Variants in SFXN1 observed in about 807,000 individuals in gnomAD.
SFXN1 encodes the protein sideroflexin 1.
SFXN1 carries 32 observed loss-of-function variants against 39.5 expected under a neutral mutation model. That is an observed-to-expected ratio of 0.81 (90% CI 0.61 to 1.09). SFXN1 has a LOEUF of 1.09. SFXN1 is among the 50% of genes least tolerant of loss of function. The pLI is 0.00. For missense variants in SFXN1, 402 were observed against 407.1 expected, an observed-to-expected ratio of 0.99 and a Z score of 0.11; for synonymous variants, 136 against 146.5, an observed-to-expected ratio of 0.93 and a Z score of 0.52.
intron 1 of SFXN1, among the ~76,000 whole-genome samples, chr5:175,481,825 T>G (rs1265042804): frequency 6.6e-6 from 1 of 152,210 alleles, no homozygotes; most frequent in African/African-American, 2.4e-5. Context: ...TTGCACAGAA[T>G]TCAACTCTCT....
chr5:175,514,412 T>G (rs1760646822), intron 7 of SFXN1, among the ~76,000 whole-genome samples: 1 of 152,192 alleles, frequency 6.6e-6, no homozygotes, highest in Admixed American at 6.5e-5. Flanking sequence ...CTAAGGCTGC[T>G]TAGAGCTACC....
intron 2 of SFXN1, among the ~76,000 whole-genome samples, chr5:175,496,254 A>G (rs937225645): frequency 3.9e-5 from 6 of 151,916 alleles, no homozygotes; most frequent in South Asian, 2.1e-4. Flanking sequence ...ACGCGCACCT[A>G]TAATCCCAGC....
At chr5:175,506,524 G>A (rs115495089) in intron 2 of SFXN1, among the ~76,000 whole-genome samples, 2,884 of 152,306 alleles carry the variant, frequency 0.019, 36 homozygotes, top group Middle Eastern at 0.031. Flanking sequence ...ATTTATGTAT[G>A]AGGGTTTATT....
intron 8 of SFXN1, among the ~76,000 whole-genome samples, chr5:175,521,354 G>A (rs1455278079): frequency 6.6e-6 from 1 of 152,100 alleles, no homozygotes; most frequent in Non-Finnish European, 1.5e-5. Context: ...TGTAAAGTGG[G>A]GTGAGGGATG....
In SFXN1 at chr5:175,529,123, G is replaced by A. The variant is rs1489347620; in HGVS notation, c.*2389G>A. The A allele has an allele frequency of 6.6e-6, 1 of 152,228 alleles. No homozygotes were observed. Among genetic ancestry groups the A allele is most frequent in the Non-Finnish European group, 1.5e-5 (1 of 68,070 alleles). 9.4% of individuals were successfully genotyped at this position (152,228 alleles called of 1,614,324 possible). A position where few individuals can be genotyped will look rare whatever the true frequency, so the allele number is the denominator to read the frequency against. ...AGGCCGAGGCGGGTGGATCACCTGA[G>A]GTCAGGAGTTTGAGACCAGCCTGGC... On this transcript the variant is annotated 3_prime_UTR_variant, in exon 11 of 11. Transcript: ENST00000321442.
At chr5:175,494,359 A>AAGAT (rs1395622618) in intron 2 of SFXN1, among the ~76,000 whole-genome samples, 5 of 152,258 alleles carry the variant, frequency 3.3e-5, no homozygotes, top group Non-Finnish European at 7.3e-5. Context: ...TGAATGCCTG[A>AAGAT]AGATAGTAAG....
At chr5:175,493,069 C>T (rs1190965909) in intron 2 of SFXN1, among the ~76,000 whole-genome samples, 2 of 151,926 alleles carry the variant, frequency 1.3e-5, no homozygotes, top group South Asian at 2.1e-4. Flanking sequence ...CTGGCTAACA[C>T]GGTGAAACCC....
chr5:175,508,913 A>G (rs2662168), intron 2 of SFXN1, 119 bp from the exon 3 acceptor site: 223,478 of 883,536 alleles, frequency 0.25, 32,368 homozygotes, highest in African/African-American at 0.5. Flanking sequence ...GGGATTACAG[A>G]CGTAAGCCAC....
chr5:175,506,065 G>A (rs1343156463), intron 2 of SFXN1, among the ~76,000 whole-genome samples: 2 of 152,134 alleles, frequency 1.3e-5, no homozygotes, highest in Non-Finnish European at 2.9e-5. Flanking sequence ...TGATCTGCCC[G>A]TCTCGGCCTC....
At chr5:175,505,937 T>C (rs1818345) in intron 2 of SFXN1, among the ~76,000 whole-genome samples, 37,741 of 152,084 alleles carry the variant, frequency 0.25, 6,459 homozygotes, top group African/African-American at 0.48. Flanking sequence ...CTGCCTCAGC[T>C]TTCCGAGCAG....
chr5:175,502,772 C>T, intron 2 of SFXN1, among the ~76,000 whole-genome samples: 1 of 152,100 alleles, frequency 6.6e-6, no homozygotes, highest in Non-Finnish European at 1.5e-5. Context: ...ACCCGGGAAG[C>T]AAAGGTTGCG....
chr5:175,520,497 G>A (rs527733615), intron 8 of SFXN1, among the ~76,000 whole-genome samples: 1 of 152,224 alleles, frequency 6.6e-6, no homozygotes, highest in Non-Finnish European at 1.5e-5. Flanking sequence ...GGGTTTTGCA[G>A]GATACTGAAA....
intron 3 of SFXN1, among the ~76,000 whole-genome samples, 199 bp from the exon 4 acceptor site, chr5:175,509,908 ATC>A (rs1760451362): frequency 6.6e-6 from 1 of 152,104 alleles, no homozygotes. Context: ...GCTTGGTGTT[ATC>A]TATATCTACG....
In SFXN1 at chr5:175,509,727, T is replaced by C. The variant is rs370584179; in HGVS notation, c.336-382T>C. Among the ~76,000 whole-genome samples the C allele has an allele frequency of 2.3e-4, 35 of 151,738 alleles. No individual in the cohort carries two copies. In the South Asian group the frequency reaches 7.1e-3, roughly 31 times the overall value. ...TATAGGCACATTAAAGGTGTATGTG[T>C]AGACATAGACATATAGCATTGCAAG... On this transcript the variant is annotated intron_variant, in intron 3 of 10. Coordinates refer to ENST00000321442, the MANE Select transcript of SFXN1 (RefSeq NM_022754.7).
chr5:175,490,859 A>AT (rs200768257), intron 1 of SFXN1, among the ~76,000 whole-genome samples: 11,211 of 152,276 alleles, frequency 0.074, 486 homozygotes, highest in Admixed American at 0.11. Flanking sequence ...TGCAAAAAAA[A>AT]CAAGATCTTA....
chr5:175,522,546 G>A (rs944248042), intron 10 of SFXN1, 124 bp downstream of exon 10: 7 of 943,028 alleles, frequency 7.4e-6, no homozygotes, highest in Non-Finnish European at 1.1e-5. Context: ...CTGAAGCCAG[G>A]GTCTCTTAAA....
intron 2 of SFXN1, among the ~76,000 whole-genome samples, chr5:175,497,936 G>GAAAAAAAAAA (rs71581646): frequency 3.1e-5 from 3 of 95,848 alleles, no homozygotes; most frequent in Non-Finnish European, 4.5e-5. Flanking sequence ...GTCTCAAAAA[G>GAAAAAAAAAA]AAAAAAAAAA....
At chr5:175,524,307 T>A (rs986601276) in intron 10 of SFXN1, among the ~76,000 whole-genome samples, 2 of 151,546 alleles carry the variant, frequency 1.3e-5, no homozygotes, top group Non-Finnish European at 2.9e-5. Context: ...TAGGAACTTT[T>A]TAGACAAGGG....
chr5:175,503,717 C>A (rs559802719), intron 2 of SFXN1, among the ~76,000 whole-genome samples: 1 of 152,088 alleles, frequency 6.6e-6, no homozygotes, highest in East Asian at 1.9e-4. Context: ...AGGAAAGGAA[C>A]CCTGGCCGGG....
Sources: gnomAD v4.1 joint callset for allele counts (sites outside exome capture counted in the v4.1 genomes callset) on GRCh38, gnomAD v4.1.1 for gene constraint, MANE v1.5 for transcripts, NCBI Gene and HGNC (gene_info 2026-07-23, HGNC 2026-07-21) for gene names.